Variants in AKT3 observed in about 807,000 individuals in gnomAD.
AKT3 encodes RAC-gamma serine/threonine-protein kinase.
In AKT3, 15 loss-of-function variants were observed where a neutral mutation model predicts 65.3. That is an observed-to-expected ratio of 0.23 (90% CI 0.15 to 0.35). AKT3 has a LOEUF of 0.35. Among genes scored for constraint, AKT3 ranks in the 10% least tolerant of loss-of-function variants. The pLI, the probability that AKT3 is intolerant of heterozygous loss-of-function variation, is 1.00. For synonymous variants in AKT3, 206 were observed against 183.8 expected (o/e 1.12, Z -0.98); for missense variants, 243 against 576.5 (o/e 0.42, Z 5.92).
chr1:243,642,319 G>A (rs571628827), intron 5 of AKT3, among the ~76,000 whole-genome samples: 165 of 152,132 alleles, frequency 1.1e-3, no homozygotes, highest in African/African-American at 3.8e-3. Context: ...TTGTTTGTTT[G>A]TTTGTTTTGA....
rs1170660297 is a variant in AKT3 at position 243,673,270 on chromosome 1, A to AAGTATAG, written c.173-8394_173-8388dup. ...GCTTAATACAGAAAAATACATACATAAGTATAGGCAAAATAAAAATACTCA... is the reference window on the plus strand; with the variant it reads ...GCTTAATACAGAAAAATACATACATAAGTATAGAGTATAGGCAAAATAAAAATACTCA... On this transcript the variant is annotated intron_variant, in intron 3 of 13. Coordinates refer to ENST00000673466, the MANE Select transcript of AKT3 (RefSeq NM_005465.7). 1.3e-5 allele frequency among the ~76,000 whole-genome samples: 2 copies of AAGTATAG among 152,216 alleles called. 1 individual carries two copies. The highest frequency in any genetic ancestry group is 2.9e-5 in the Non-Finnish European group (2 of 68,028).
chr1:243,804,879 A>G (rs1355368616), intron 2 of AKT3, among the ~76,000 whole-genome samples: 2 of 151,984 alleles, frequency 1.3e-5, no homozygotes, highest in Admixed American at 6.6e-5. Context: ...AGAATATAAT[A>G]TACATTAACT....
At chr1:243,560,800 T>C (rs2148482112) in intron 10 of AKT3, among the ~76,000 whole-genome samples, 1 of 152,254 alleles carries the variant, frequency 6.6e-6, no homozygotes, top group Non-Finnish European at 1.5e-5. Context: ...AAATAATATA[T>C]TTGTTTCTCA....
chr1:243,640,549 CAGTT>C (rs1439472621), intron 5 of AKT3, among the ~76,000 whole-genome samples: 1 of 152,180 alleles, frequency 6.6e-6, no homozygotes, highest in African/African-American at 2.4e-5. Context: ...CTAATGCTGT[CAGTT>C]AGTCCATATT....
rs562800802 is a variant in AKT3, at chr1:243,829,113, G to T, written c.46+14012C>A. 5.3e-5 allele frequency among the ~76,000 whole-genome samples: 8 copies of T among 152,216 alleles called. No individual in the cohort carries two copies. The South Asian group carries it at 1.2e-3, about 24-fold the overall frequency. On this transcript the variant is annotated intron_variant, in intron 2 of 13. Coordinates refer to ENST00000673466, the MANE Select transcript of AKT3 (RefSeq NM_005465.7). ...TTCAATCCGAATCTCTTGACAAGGG[G>T]ATAATACTACCTATAATTTGGCATT...
chr1:243,733,060 A>G (rs770998432), intron 2 of AKT3, among the ~76,000 whole-genome samples: 3 of 152,202 alleles, frequency 2.0e-5, no homozygotes, highest in South Asian at 2.1e-4. Context: ...CTGCTTTCCT[A>G]TACTTTGTTT....
intron 12 of AKT3, among the ~76,000 whole-genome samples, chr1:243,541,510 C>A (rs891371598): frequency 6.6e-6 from 1 of 151,870 alleles, no homozygotes; most frequent in Non-Finnish European, 1.5e-5. Flanking sequence ...TATACTAGTG[C>A]TGAAATCAGT....
At chr1:243,608,671 C>T (rs1006414756) in intron 8 of AKT3, among the ~76,000 whole-genome samples, 2 of 151,228 alleles carry the variant, frequency 1.3e-5, no homozygotes, top group African/African-American at 4.9e-5. Flanking sequence ...TTATTGTTTC[C>T]CTTACTTTAA....
intron 2 of AKT3, among the ~76,000 whole-genome samples, chr1:243,809,250 A>C (rs1382675969): frequency 6.6e-6 from 1 of 152,228 alleles, no homozygotes; most frequent in Non-Finnish European, 1.5e-5. Context: ...TTGGATAAAC[A>C]GTCAAGACCC....
At chr1:243,722,082 TAC>T (rs1686948268) in intron 2 of AKT3, among the ~76,000 whole-genome samples, 1 of 152,192 alleles carries the variant, frequency 6.6e-6, no homozygotes, top group Non-Finnish European at 1.5e-5. Context: ...ATTTCAGTTT[TAC>T]AGTCATTAAA....
At chr1:243,753,802 T>C (rs901898517) in intron 2 of AKT3, among the ~76,000 whole-genome samples, 6 of 152,184 alleles carry the variant, frequency 3.9e-5, no homozygotes, top group African/African-American at 1.4e-4. Flanking sequence ...AATAGGAACA[T>C]TGAGATATTT....
intron 2 of AKT3, among the ~76,000 whole-genome samples, chr1:243,699,479 ATATATATATATATAT>A (rs1685287504): frequency 5.7e-5 from 1 of 17,444 alleles, no homozygotes; most frequent in South Asian, 1.4e-3. Flanking sequence ...ATATATATAT[ATATATATATATATAT>A]ATATATATAT....
chr1:243,755,687 T>C (rs1335460841), intron 2 of AKT3, among the ~76,000 whole-genome samples: 2 of 152,210 alleles, frequency 1.3e-5, no homozygotes, highest in Non-Finnish European at 2.9e-5. Flanking sequence ...TTAGATAAGT[T>C]TAGAAAATAG....
At chr1:243,680,076 T>C (rs1253700589) in intron 3 of AKT3, among the ~76,000 whole-genome samples, 3 of 152,148 alleles carry the variant, frequency 2.0e-5, no homozygotes. Flanking sequence ...CTGTTGCTGG[T>C]TGGATGATTC....
chr1:243,527,257 T>G (rs1671169507), intron 12 of AKT3, among the ~76,000 whole-genome samples: 1 of 152,156 alleles, frequency 6.6e-6, no homozygotes, highest in Admixed American at 6.5e-5. Flanking sequence ...GCCATCCTAT[T>G]GAAATGAGTA....
chr1:243,591,776 T>C (rs556862009), intron 8 of AKT3, among the ~76,000 whole-genome samples: 18 of 151,576 alleles, frequency 1.2e-4, no homozygotes, highest in Admixed American at 1.2e-3. Flanking sequence ...AAAAATATAC[T>C]AGATGTTACT....
chr1:243,654,738 T>C (rs1173015098), intron 4 of AKT3, among the ~76,000 whole-genome samples: 2 of 152,194 alleles, frequency 1.3e-5, no homozygotes, highest in African/African-American at 2.4e-5. Flanking sequence ...TTTGGAAATA[T>C]TCCATTATTT....
Position 243,736,333 on chromosome 1 carries a change from A to G in AKT3, c.47-40617T>C, listed in dbSNP as rs1687840918. ...GTAATCAATGTTAGAAATTACAATTACCAATCATTGTCTTAGTGATAAATC... is the reference window on the plus strand; with the variant it reads ...GTAATCAATGTTAGAAATTACAATTGCCAATCATTGTCTTAGTGATAAATC... On this transcript the variant is annotated intron_variant, in intron 2 of 13. Coordinates refer to ENST00000673466, the MANE Select transcript of AKT3 (RefSeq NM_005465.7). Among the ~76,000 whole-genome samples, 4 of 152,220 alleles carry G rather than the reference A, an allele frequency of 2.6e-5. No homozygotes were observed. In the South Asian group the frequency reaches 8.3e-4, roughly 31 times the overall value.
chr1:243,591,792 C>G (rs1676247682), intron 8 of AKT3, among the ~76,000 whole-genome samples: 1 of 150,968 alleles, frequency 6.6e-6, no homozygotes, highest in African/African-American at 2.4e-5. Flanking sequence ...TTACTAGACA[C>G]TGGAGAAGAA....
Sources: gnomAD v4.1 joint callset for allele counts (sites outside exome capture counted in the v4.1 genomes callset) on GRCh38, gnomAD v4.1.1 for gene constraint, MANE v1.5 for transcripts, NCBI Gene and HGNC (gene_info 2026-07-23, HGNC 2026-07-21) for gene names.